Variants in NEDD4L observed in about 807,000 individuals in gnomAD.
The protein encoded by NEDD4L is NEDD4 like E3 ubiquitin protein ligase, also known as E3 ubiquitin-protein ligase NEDD4-like.
A neutral mutation model predicts 148.9 loss-of-function variants in NEDD4L; 54 were observed. That is an observed-to-expected ratio of 0.36 (90% CI 0.29 to 0.45). NEDD4L has a LOEUF of 0.45. Ranked by LOEUF, NEDD4L falls within the 20% of genes least tolerant of loss-of-function variation. The pLI, the probability that NEDD4L is intolerant of heterozygous loss-of-function variation, is 1.00. For synonymous variants in NEDD4L, 433 were observed against 440.7 expected (o/e 0.98, Z 0.22); for missense variants, 856 against 1,233.8 (o/e 0.69, Z 4.59).
intron 4 of NEDD4L, among the ~76,000 whole-genome samples, chr18:58,250,623 C>T (rs143045045): frequency 1.3e-3 from 205 of 152,240 alleles, no homozygotes; most frequent in African/African-American, 4.7e-3. Flanking sequence ...ACAAGCTGAG[C>T]TCTCTGTGCT....
intron 13 of NEDD4L, 179 bp downstream of exon 13, chr18:58,335,716 A>G (rs2041661793): frequency 3.8e-6 from 2 of 530,494 alleles, no homozygotes; most frequent in East Asian, 6.1e-5. Context: ...TACTGGGTAA[A>G]ATAGAATGAT....
intron 2 of NEDD4L, among the ~76,000 whole-genome samples, chr18:58,237,415 A>T (rs1313691975): frequency 1.3e-5 from 2 of 152,194 alleles, no homozygotes; most frequent in African/African-American, 4.8e-5. Flanking sequence ...CTGTTTTCTT[A>T]ACCTCTGGTA....
chr18:58,359,151 G>A (rs1326639702), intron 19 of NEDD4L, among the ~76,000 whole-genome samples: 4 of 152,084 alleles, frequency 2.6e-5, no homozygotes, highest in Admixed American at 2.0e-4. Flanking sequence ...AGTCTCTGTG[G>A]TGACTGTTGC....
chr18:58,228,171 G>T (rs1460049472), intron 2 of NEDD4L, among the ~76,000 whole-genome samples: 1 of 152,196 alleles, frequency 6.6e-6, no homozygotes, highest in South Asian at 2.1e-4. Context: ...TGTGTGACTG[G>T]AATGTGATGC....
chr18:58,170,142 A>G (rs2037388833), intron 2 of NEDD4L, among the ~76,000 whole-genome samples: 1 of 151,900 alleles, frequency 6.6e-6, no homozygotes, highest in African/African-American at 2.4e-5. Flanking sequence ...CTGGAAACTC[A>G]CAGTCACTAA....
intron 2 of NEDD4L, among the ~76,000 whole-genome samples, chr18:58,229,289 G>C (rs1417630030): frequency 6.6e-6 from 1 of 152,158 alleles, no homozygotes; most frequent in Non-Finnish European, 1.5e-5. Context: ...GTCTGGTTAG[G>C]ACTTGGGCTC....
At chr18:58,385,453 C>T in intron 25 of NEDD4L, 73 bp from the exon 26 acceptor site, 1 of 1,208,806 alleles carries the variant, frequency 8.3e-7, no homozygotes, top group Non-Finnish European at 1.2e-6. Context: ...GAGAAGCACT[C>T]CCTGTTGCGG....
At chr18:58,269,415 A>G (rs2050703232) in intron 5 of NEDD4L, among the ~76,000 whole-genome samples, 1 of 152,014 alleles carries the variant, frequency 6.6e-6, no homozygotes, top group Non-Finnish European at 1.5e-5. Context: ...AGGATTAGGT[A>G]TTACCCTTGT....
At chr18:58,274,978 A>G (rs544578365) in intron 5 of NEDD4L, among the ~76,000 whole-genome samples, 8 of 152,350 alleles carry the variant, frequency 5.3e-5, no homozygotes, top group Admixed American at 1.3e-4. Context: ...CACAATAAGC[A>G]GTATCAGTTG....
intron 8 of NEDD4L, among the ~76,000 whole-genome samples, chr18:58,324,546 G>A (rs375029262): frequency 5.3e-5 from 8 of 152,214 alleles, no homozygotes; most frequent in East Asian, 3.8e-4. Context: ...CAGGTGCAGC[G>A]CAGCTCATCT....
intron 5 of NEDD4L, among the ~76,000 whole-genome samples, chr18:58,300,037 C>T (rs1027262422): frequency 6.6e-6 from 1 of 152,174 alleles, no homozygotes; most frequent in Non-Finnish European, 1.5e-5. Flanking sequence ...ACATCCATGA[C>T]TTAAGAGACT....
In NEDD4L at chr18:58,044,329, A is replaced by T. The variant is rs1351559323; in HGVS notation, c.-332A>T. ...GGCGGAGAGCGGCGGGGCGGGAGGG[A>T]GGCGCGGGTCGCGGGGAGGGAAAGC... On this transcript the variant is annotated 5_prime_UTR_variant, in exon 1 of 31. Coordinates refer to ENST00000400345, the MANE Select transcript of NEDD4L (RefSeq NM_001144967.3). 6.5e-6 allele frequency: 1 copy of T among 152,884 alleles called. No homozygotes were observed. The highest frequency in any genetic ancestry group is 2.5e-5 in the African/African-American group (1 of 40,070). 9.5% of individuals were successfully genotyped at this position (152,884 alleles called of 1,614,324 possible). A position where few individuals can be genotyped will look rare whatever the true frequency, so the allele number is the denominator to read the frequency against.
intron 29 of NEDD4L, 75 bp from the exon 30 acceptor site, chr18:58,391,412 G>T: frequency 8.4e-7 from 1 of 1,194,174 alleles, no homozygotes; most frequent in South Asian, 1.3e-5. Flanking sequence ...GACAGTAGCT[G>T]GACTGCAGAC....
chr18:58,277,470 G>T (rs974880533), intron 5 of NEDD4L, among the ~76,000 whole-genome samples: 12 of 152,070 alleles, frequency 7.9e-5, no homozygotes, highest in Admixed American at 7.2e-4. Flanking sequence ...GGCATCTTGT[G>T]CATGTGGTAG....
At chr18:58,242,163 G>A (rs987590857) in intron 2 of NEDD4L, among the ~76,000 whole-genome samples, 1 of 152,186 alleles carries the variant, frequency 6.6e-6, no homozygotes, top group Non-Finnish European at 1.5e-5. Flanking sequence ...GTACTGTGAG[G>A]TAATCAGTGT....
Position 58,190,622 on chromosome 18 carries a change from GT to G in NEDD4L, c.122+24762del, listed in dbSNP as rs1418948771. 3.3e-5 allele frequency among the ~76,000 whole-genome samples: 5 copies of G among 152,282 alleles called. No individual in the cohort carries two copies. In the East Asian group the frequency reaches 5.8e-4, roughly 18 times the overall value. ...ATTTTCTTTTCTTCTAACTAAGTATGTATATGTGTAAGTGTGTCTGTATACA... is the reference window on the plus strand; with the variant it reads ...ATTTTCTTTTCTTCTAACTAAGTATGATATGTGTAAGTGTGTCTGTATACA... On this transcript the variant is annotated intron_variant, in intron 2 of 30. Coordinates refer to ENST00000400345, the MANE Select transcript of NEDD4L (RefSeq NM_001144967.3).
At chr18:58,255,005 G>A (rs1377966026) in intron 5 of NEDD4L, among the ~76,000 whole-genome samples, 1 of 152,164 alleles carries the variant, frequency 6.6e-6, no homozygotes, top group Admixed American at 6.5e-5. Flanking sequence ...CATGGTATCC[G>A]ATGCTTGGGA....
At chr18:58,214,167 C>T (rs1401141138) in intron 2 of NEDD4L, among the ~76,000 whole-genome samples, 3 of 151,816 alleles carry the variant, frequency 2.0e-5, no homozygotes, top group Admixed American at 2.0e-4. Context: ...ATCACCTGAT[C>T]GCTGCCCCAG....
chr18:58,069,734 T>C (rs1397519385), intron 1 of NEDD4L, among the ~76,000 whole-genome samples: 1 of 152,236 alleles, frequency 6.6e-6, no homozygotes, highest in African/African-American at 2.4e-5. Flanking sequence ...GAAAATCTAC[T>C]TCATAAAAGC....
Sources: allele counts gnomAD v4.1 joint callset (sites outside exome capture counted in the v4.1 genomes callset), GRCh38; gene constraint gnomAD v4.1.1; transcripts MANE v1.5; gene names NCBI Gene and HGNC (gene_info 2026-07-23, HGNC 2026-07-21).